Variants in PTER observed in about 807,000 individuals in gnomAD.
PTER encodes phosphotriesterase related, also known as N-acetyltaurine hydrolase.
A neutral mutation model predicts 29.6 loss-of-function variants in PTER; 38 were observed. The observed-to-expected ratio is 1.28, with a 90% CI of 0.99 to 1.68. The LOEUF is 1.68. Among genes scored for constraint, PTER ranks in the 40% most tolerant of loss-of-function variants. PTER has a pLI of 0.00. For missense variants in PTER, 482 were observed against 427.8 expected (o/e 1.13, Z -1.12); for synonymous variants, 172 against 154.5 (o/e 1.11, Z -0.84).
chr10:16,456,864 G>GA (rs1554787524), intron 1 of PTER, among the ~76,000 whole-genome samples: 2 of 146,116 alleles, frequency 1.4e-5, no homozygotes, highest in East Asian at 4.2e-4. Context: ...GGGGAAGGTG[G>GA]GGGGGGGTTC....
intron 1 of PTER, among the ~76,000 whole-genome samples, chr10:16,459,890 G>T (rs1834547575): frequency 6.6e-6 from 1 of 152,120 alleles, no homozygotes; most frequent in African/African-American, 2.4e-5. Flanking sequence ...TGGGATTACA[G>T]GCATGCGCCA....
At position 16,498,174 on chromosome 10, in the gene PTER, G is replaced by A. The variant is rs146423213; in HGVS notation, c.699-6846G>A. The stretch of plus-strand genomic sequence containing the variant: ...GGGACTTTTCTTCAGTGTGAAATGC[G>A]GTAGCTCTTCTGTGCGTCACAATCA... On this transcript the variant is annotated intron_variant, in intron 3 of 4. Coordinates refer to ENST00000535784, the MANE Select transcript of PTER (RefSeq NM_001261836.2). 4.3e-3 allele frequency among the ~76,000 whole-genome samples: 652 copies of A among 152,260 alleles called. 5 individuals are homozygous for A. Among genetic ancestry groups the A allele is most frequent in the African/African-American group, 0.012 (488 of 41,542 alleles).
In PTER at chr10:16,505,157, G is replaced by T. The variant is rs1242855883; in HGVS notation, c.836G>T (p.Arg279Ile). 1.1e-5 allele frequency: 17 copies of T among 1,613,678 alleles called. No homozygotes were observed. The highest frequency in any genetic ancestry group is 1.4e-5 in the Non-Finnish European group (17 of 1,179,850). ...IDMPDDNKRI[R>I]RVRLLVEEGC... Reference sequence around the variant, plus strand: ...ATGCCTGATGATAACAAAAGAATTAGAAGGTAAATATGGTAAAGCCTCTCA... The same window carrying T: ...ATGCCTGATGATAACAAAAGAATTATAAGGTAAATATGGTAAAGCCTCTCA... The change falls in exon 4 of 5, where the codon AGA (arginine) becomes ATA (isoleucine). Residue 279 changes from arginine (R) to isoleucine (I), a missense_variant. By Grantham distance (97) the Arg-to-Ile change is moderately conservative. Transcript: ENST00000535784.
At chr10:16,510,285 G>A (rs1836761577) in intron 4 of PTER, among the ~76,000 whole-genome samples, 1 of 152,198 alleles carries the variant, frequency 6.6e-6, no homozygotes. Context: ...TTCATTTTTA[G>A]AGAATAGTCA....
Position 16,510,716 on chromosome 10 carries a change from G to A in PTER, c.840-330G>A, listed in dbSNP as rs572721704. 8.5e-5 allele frequency among the ~76,000 whole-genome samples: 13 copies of A among 152,288 alleles called. No individual in the cohort carries two copies. In the East Asian group the frequency reaches 2.5e-3, roughly 29 times the overall value. On this transcript the variant is annotated intron_variant, in intron 4 of 4. Transcript: ENST00000535784. Reference sequence around the variant, plus strand: ...TTGCTGAATACAAATCCAGAACAAAGTTATTTAGTGAAATGCCAAAATGGT... The same window carrying A: ...TTGCTGAATACAAATCCAGAACAAAATTATTTAGTGAAATGCCAAAATGGT...
In PTER at chr10:16,511,065, G is replaced by A. The variant is rs138126359; in HGVS notation, c.859G>A (p.Glu287Lys). The change falls in exon 5 of 5, where the codon GAG becomes AAG. Residue 287 changes from glutamate (E) to lysine (K), a missense_variant. By Grantham distance (56) the Glu-to-Lys change is moderately conservative. Coordinates refer to ENST00000535784, the MANE Select transcript of PTER (RefSeq NM_001261836.2). ...TCACAGGGTGCGTCTCCTGGTGGAA[G>A]AGGGCTGTGAAGATCGAATTCTGGT... ...RIRRVRLLVE[E>K]GCEDRILVAH... 3.7e-6 allele frequency: 6 copies of A among 1,613,448 alleles called. No homozygotes were observed. The highest frequency in any genetic ancestry group is 3.3e-5 in the Admixed American group (2 of 59,930).
intron 1 of PTER, among the ~76,000 whole-genome samples, chr10:16,459,453 T>C (rs576812652): frequency 6.6e-5 from 10 of 152,230 alleles, no homozygotes; most frequent in Non-Finnish European, 1.3e-4. Flanking sequence ...TGAGAAATCA[T>C]AGGGCTCTAA....
At chr10:16,488,380 A>G (rs1226248331) in intron 3 of PTER, among the ~76,000 whole-genome samples, 1 of 152,184 alleles carries the variant, frequency 6.6e-6, no homozygotes, top group African/African-American at 2.4e-5. Flanking sequence ...TAGCACATTT[A>G]CTGAGTAAGG....
rs140102671 is a variant in PTER, at chr10:16,483,588, C to T, written c.-48-749C>T. On this transcript the variant is annotated intron_variant, in intron 1 of 4. Transcript: ENST00000535784. The stretch of plus-strand genomic sequence containing the variant: ...TGTGGCCACGAGTGATGGTTCACAC[C>T]TGTAATCCAGGCACTTTGGGAGGCC... Among the ~76,000 whole-genome samples the T allele has an allele frequency of 7.6e-3, 1,158 of 152,236 alleles. 13 individuals carry two copies. The highest frequency in any genetic ancestry group is 0.027 in the African/African-American group (1,113 of 41,536).
chr10:16,508,943 C>T (rs1836703947), intron 4 of PTER, among the ~76,000 whole-genome samples: 3 of 152,142 alleles, frequency 2.0e-5, no homozygotes, highest in African/African-American at 7.2e-5. Flanking sequence ...CACAGAAGCA[C>T]GCTTCTGCCT....
intron 3 of PTER, among the ~76,000 whole-genome samples, chr10:16,488,754 C>T (rs146317276): frequency 6.6e-6 from 1 of 152,192 alleles, no homozygotes; most frequent in African/African-American, 2.4e-5. Flanking sequence ...CAGGCATGTG[C>T]CTCCACACCT....
downstream of PTER, among the ~76,000 whole-genome samples, chr10:16,516,737 G>T (rs1836957514): frequency 6.6e-6 from 1 of 152,184 alleles, no homozygotes; most frequent in African/African-American, 2.4e-5. Flanking sequence ...AAAACCGAGT[G>T]AACGTCACCA....
chr10:16,456,378 CAGG>C (rs1336172496), intron 1 of PTER, among the ~76,000 whole-genome samples: 1 of 152,094 alleles, frequency 6.6e-6, no homozygotes, highest in African/African-American at 2.4e-5. Context: ...CAGAGAATGC[CAGG>C]AGATTAGAGG....
chr10:16,464,964 C>T (rs771079576), intron 1 of PTER, among the ~76,000 whole-genome samples: 16 of 152,114 alleles, frequency 1.1e-4, no homozygotes, highest in African/African-American at 1.9e-4. Context: ...AGAGAGAACT[C>T]GTGCAGGGGA....
At chr10:16,477,076 T>A (rs702986) in intron 1 of PTER, among the ~76,000 whole-genome samples, 1 of 152,024 alleles carries the variant, frequency 6.6e-6, no homozygotes, top group Non-Finnish European at 1.5e-5. Context: ...TGGCTAATTT[T>A]TGTGTTTTTA....
intron 1 of PTER, among the ~76,000 whole-genome samples, chr10:16,468,116 C>T (rs1588600972): frequency 6.6e-6 from 1 of 151,978 alleles, no homozygotes. Context: ...CTGAGGCAGG[C>T]GGATCACTTT....
chr10:16,447,101 CTT>C (rs71374690), intron 1 of PTER, among the ~76,000 whole-genome samples: 12 of 124,580 alleles, frequency 9.6e-5, no homozygotes, highest in Non-Finnish European at 1.1e-4. Context: ...TTTTTCTTTT[CTT>C]TTTTTTTTTT....
chr10:16,516,735 G>A (rs1836957467), downstream of PTER, among the ~76,000 whole-genome samples: 1 of 152,186 alleles, frequency 6.6e-6, no homozygotes, highest in African/African-American at 2.4e-5. Flanking sequence ...ACAAAACCGA[G>A]TGAACGTCAC....
At chr10:16,447,351 G>A (rs960113762) in intron 1 of PTER, among the ~76,000 whole-genome samples, 3 of 151,514 alleles carry the variant, frequency 2.0e-5, no homozygotes, top group African/African-American at 4.9e-5. Context: ...TCCTCCAGCC[G>A]CAACCTCCCA....
Sources: allele counts gnomAD v4.1 joint callset (sites outside exome capture counted in the v4.1 genomes callset), GRCh38; gene constraint gnomAD v4.1.1; transcripts MANE v1.5; gene names NCBI Gene and HGNC (gene_info 2026-07-23, HGNC 2026-07-21).